The following DOCK8 variants were observed in gnomAD, a reference collection of about 807,000 sequenced individuals.
DOCK8 encodes dedicator of cytokinesis protein 8.
In DOCK8, 141 loss-of-function variants were observed where a neutral mutation model predicts 245.6. That is an observed-to-expected ratio of 0.57 (90% confidence interval 0.50 to 0.66). The LOEUF is 0.66. Among genes scored for constraint, DOCK8 ranks in the 30% least tolerant of loss-of-function variants. The pLI, the probability that DOCK8 is intolerant of heterozygous loss-of-function variation, is 0.00. For missense variants in DOCK8, 2,965 were observed against 2,603.4 expected, an observed-to-expected ratio of 1.14 and a Z score of -3.02; for synonymous variants, 1,168 against 970.2, an observed-to-expected ratio of 1.20 and a Z score of -3.79.
intron 14 of DOCK8, among the ~76,000 whole-genome samples, chr9:364,018 G>C (rs956731277): frequency 6.6e-5 from 10 of 152,164 alleles, no homozygotes; most frequent in African/African-American, 2.4e-4. Context: ...AAGAAAGATT[G>C]ATAGGCGCCT....
chr9:448,839 A>G (rs977690182), intron 44 of DOCK8, among the ~76,000 whole-genome samples: 3 of 152,218 alleles, frequency 2.0e-5, no homozygotes, highest in African/African-American at 7.2e-5. Flanking sequence ...CGACATATAC[A>G]TTTTGGGGGA....
intron 14 of DOCK8, among the ~76,000 whole-genome samples, chr9:361,201 G>A (rs116428944): frequency 9.9e-5 from 15 of 152,160 alleles, no homozygotes; most frequent in African/African-American, 3.6e-4. Flanking sequence ...GAAGGCAGGG[G>A]GATGTTAATC....
intron 6 of DOCK8, chr9:312,770 T>A: frequency 3.1e-6 from 1 of 320,598 alleles, no homozygotes; most frequent in South Asian, 2.7e-5. Flanking sequence ...GCACTTTGGA[T>A]GAAATGAGAG....
At chr9:359,998 A>G (rs1008252807) in intron 14 of DOCK8, among the ~76,000 whole-genome samples, 1 of 152,152 alleles carries the variant, frequency 6.6e-6, no homozygotes, top group African/African-American at 2.4e-5. Context: ...TCAAAACAAC[A>G]CTTGTGTTTC....
chr9:283,900 A>G (rs2048701697), intron 2 of DOCK8, among the ~76,000 whole-genome samples: 2 of 152,344 alleles, frequency 1.3e-5, no homozygotes, highest in African/African-American at 4.8e-5. Context: ...ATGACATGAT[A>G]TGAAAAATTC....
Position 396,777 on chromosome 9 carries a change from C to T in DOCK8, c.2971-8C>T, listed in dbSNP as rs548613172. On this transcript the variant is annotated splice_region_variant and splice_polypyrimidine_tract_variant and intron_variant, in intron 24 of 47. Coordinates refer to ENST00000432829, the MANE Select transcript of DOCK8 (RefSeq NM_203447.4). ...CCATGTTGACATTTCCTCCATCCCC[C>T]TCCGCAGGTGAAAAGCATGGCCCAG... is the stretch of plus-strand genomic sequence containing the variant. 10 of 1,614,124 alleles carry T rather than the reference C, an allele frequency of 6.2e-6. No homozygotes were observed. The African/African-American group carries it at 9.3e-5, about 15-fold the overall frequency.
chr9:274,357 T>G (rs954131704), intron 2 of DOCK8, among the ~76,000 whole-genome samples: 7 of 152,220 alleles, frequency 4.6e-5, no homozygotes, highest in African/African-American at 1.7e-4. Context: ...TTATTCCGCT[T>G]TACTTTTCTG....
intron 1 of DOCK8, among the ~76,000 whole-genome samples, chr9:257,166 TGG>T (rs1327631531): frequency 6.6e-6 from 1 of 152,196 alleles, no homozygotes; most frequent in Admixed American, 6.5e-5. Flanking sequence ...AAGATGGAGA[TGG>T]TTTGGGACTG....
chr9:234,745 C>G (rs982134065), intron 1 of DOCK8, among the ~76,000 whole-genome samples: 1 of 152,176 alleles, frequency 6.6e-6, no homozygotes, highest in African/African-American at 2.4e-5. Context: ...TTTTCAGCTC[C>G]ATCAGGTCCT....
chr9:297,022 G>A (rs951292782), intron 4 of DOCK8, among the ~76,000 whole-genome samples: 1 of 152,024 alleles, frequency 6.6e-6, no homozygotes, highest in Non-Finnish European at 1.5e-5. Flanking sequence ...GGACCTCCTC[G>A]GCTACTCCCT....
chr9:453,912 T>C (rs900265276), intron 46 of DOCK8, among the ~76,000 whole-genome samples: 1 of 152,248 alleles, frequency 6.6e-6, no homozygotes, highest in Non-Finnish European at 1.5e-5. Flanking sequence ...TATGAAATGT[T>C]TGAAGAGCAC....
At chr9:328,676 G>C (rs934323555) in intron 9 of DOCK8, among the ~76,000 whole-genome samples, 14 of 152,010 alleles carry the variant, frequency 9.2e-5, no homozygotes, top group South Asian at 2.1e-4. Flanking sequence ...CCCAAGTCCA[G>C]CCTCTTACAA....
intron 1 of DOCK8, among the ~76,000 whole-genome samples, chr9:262,077 C>G (rs935488621): frequency 2.0e-5 from 3 of 151,560 alleles, no homozygotes; most frequent in Non-Finnish European, 2.9e-5. Context: ...ATATGTAACC[C>G]TAAACCTAAA....
intron 1 of DOCK8, among the ~76,000 whole-genome samples, chr9:248,757 C>G (rs2047574892): frequency 6.6e-6 from 1 of 152,122 alleles, no homozygotes; most frequent in Non-Finnish European, 1.5e-5. Flanking sequence ...GCTGTAAGTA[C>G]TTGGTGGGTT....
rs547358020 is a variant in DOCK8, at chr9:375,148, G to A, written c.2110-1062G>A. On this transcript the variant is annotated intron_variant, in intron 18 of 47. Transcript: ENST00000432829. Reference sequence around the variant, plus strand: ...ATACTTCAAACAGAACGTGTGTGTAGGCTAGAGCCCACTTTGGGCCCCAGC... The same window carrying A: ...ATACTTCAAACAGAACGTGTGTGTAAGCTAGAGCCCACTTTGGGCCCCAGC... 3.9e-5 allele frequency among the ~76,000 whole-genome samples: 6 copies of A among 152,246 alleles called. No homozygotes were observed. The South Asian group carries it at 6.2e-4, about 16-fold the overall frequency.
intron 8 of DOCK8, among the ~76,000 whole-genome samples, chr9:327,320 T>A (rs983125463): frequency 6.6e-6 from 1 of 152,152 alleles, no homozygotes; most frequent in Non-Finnish European, 1.5e-5. Context: ...TCCACAGTGC[T>A]TCTTTGTATG....
intron 4 of DOCK8, 137 bp downstream of exon 4, chr9:289,718 C>T (rs1267728675): frequency 2.0e-5 from 14 of 683,870 alleles, no homozygotes; most frequent in Middle Eastern, 8.3e-4. Context: ...TGTATGCCTT[C>T]CTTATCCCCA....
chr9:231,876 G>A (rs1563825808), intron 1 of DOCK8, among the ~76,000 whole-genome samples: 1 of 152,016 alleles, frequency 6.6e-6, no homozygotes. Flanking sequence ...TTTCCTAATT[G>A]AATACCCTTT....
intron 14 of DOCK8, among the ~76,000 whole-genome samples, chr9:359,796 G>A (rs1205148978): frequency 3.0e-5 from 3 of 101,318 alleles, no homozygotes; most frequent in Non-Finnish European, 3.7e-5. Context: ...TTTTGGCTCT[G>A]TCTTTGCAAA....
Sources: gnomAD v4.1 joint callset for allele counts (sites outside exome capture counted in the v4.1 genomes callset) on GRCh38, gnomAD v4.1.1 for gene constraint, MANE v1.5 for transcripts, NCBI Gene and HGNC (gene_info 2026-07-23, HGNC 2026-07-21) for gene names.